The following ITGA10 variants were observed in gnomAD, a reference collection of about 807,000 sequenced individuals.
ITGA10 encodes the protein integrin subunit alpha 10.
A neutral mutation model predicts 145.2 loss-of-function variants in ITGA10; 105 were observed. That is an observed-to-expected ratio of 0.72 (90% CI 0.62 to 0.85). ITGA10 has a LOEUF of 0.85. ITGA10 is among the 40% of genes least tolerant of loss of function. The pLI, the probability that ITGA10 is intolerant of heterozygous loss-of-function variation, is 0.00. For missense variants in ITGA10, 1,317 were observed against 1,444.5 expected (o/e 0.91, Z 1.43); for synonymous variants, 506 against 557.8 (o/e 0.91, Z 1.31).
chr1:145,893,135 A>T, intron 29 of ITGA10, 26 bp downstream of exon 29: 1 of 1,514,422 alleles, frequency 6.6e-7, no homozygotes, highest in Non-Finnish European at 9.2e-7. Context: ...ATCATGCTCC[A>T]CACTCCCCAC....
chr1:145,899,903 G>C (rs1559199494), intron 15 of ITGA10, among the ~76,000 whole-genome samples, 154 bp downstream of exon 15: 1 of 152,206 alleles, frequency 6.6e-6, no homozygotes. Context: ...AAACCTATAA[G>C]GTAGGTACTA....
At position 145,896,795 on chromosome 1, in the gene ITGA10, T is replaced by G. The variant is rs782328684; in HGVS notation, c.2808A>C (p.Gln936His). 27 of 1,613,926 alleles carry G rather than the reference T, an allele frequency of 1.7e-5. No homozygotes were observed. The highest frequency in any genetic ancestry group is 2.3e-5 in the Non-Finnish European group (27 of 1,179,910). The change falls in exon 23 of 30, where the codon CAA becomes CAC. Residue 936 changes from glutamine (Q) to histidine (H), a missense_variant. Transcript: ENST00000369304. The part of the protein sequence containing the change: ...DNTAQTSAYI[Q>H]YEPHLLFSSE... Reference sequence around the variant, plus strand: ...TAGAGAACAGGAGGTGGGGCTCATATTGGATGTAGGCTGAGGTCTGGGCTG... The same window carrying G: ...TAGAGAACAGGAGGTGGGGCTCATAGTGGATGTAGGCTGAGGTCTGGGCTG...
In ITGA10 at chr1:145,892,079, G is replaced by C. The variant is rs1490791675; in HGVS notation, c.*719C>G. ...TGGCTTTGCTCCCAGAAAAGGCTTG[G>C]AATCAGGAAGCCTATGCCCAGCGAG... On this transcript the variant is annotated 3_prime_UTR_variant, in exon 30 of 30. Coordinates refer to ENST00000369304, the MANE Select transcript of ITGA10 (RefSeq NM_003637.5). The C allele has an allele frequency of 1.3e-5, 2 of 152,674 alleles. No homozygotes were observed. Among genetic ancestry groups the C allele is most frequent in the Non-Finnish European group, 2.9e-5 (2 of 68,086 alleles). The allele number at this position is 152,674 out of a possible 1,614,324, so 9.5% of individuals were successfully genotyped here.
intron 5 of ITGA10, 96 bp downstream of exon 5, chr1:145,906,298 C>G (rs1212349850): frequency 4.6e-6 from 4 of 873,782 alleles, no homozygotes; most frequent in African/African-American, 1.6e-5. Flanking sequence ...GATAGCCATG[C>G]AGGCCCTTTG....
chr1:145,897,458 ATCT>A, intron 20 of ITGA10, 51 bp downstream of exon 20: 2 of 1,606,872 alleles, frequency 1.2e-6, no homozygotes, highest in Non-Finnish European at 1.7e-6. Flanking sequence ...CAATACCCCA[ATCT>A]TCTTCCTCCT....
Position 145,902,902 on chromosome 1 carries a change from A to G in ITGA10, c.818T>C (p.Val273Ala). 1.2e-6 allele frequency: 2 copies of G among 1,613,890 alleles called. No homozygotes were observed. The highest frequency in any genetic ancestry group is 1.1e-5 in the South Asian group (1 of 91,066). The change falls in exon 8 of 30, where the codon GTT (valine) becomes GCT (alanine). Residue 273 changes from valine (V) to alanine (A), a missense_variant. Transcript: ENST00000369304. ...ATCATGGGACTCTCCATCAGTGACA[A>G]CCACCAGTAGCCTGGCAGCCTCGGG... The part of the protein sequence containing the change: ...GRPEAARLLV[V>A]VTDGESHDGE...
Position 145,901,762 on chromosome 1 carries a change from A to C in ITGA10, c.1295-98T>G. ...ATAGCAGGAGGTCCCAAGGGAAGTA[A>C]CCAGAGGTCAGTGAGAAACCGCATG... On this transcript the variant is annotated intron_variant, in intron 11 of 29. Transcript: ENST00000369304. This position sits in a 1 kb window ranked among gnomAD's most constrained non-coding sequence, Gnocchi z 4.3. 6.5e-7 allele frequency: 1 copy of C among 1,546,742 alleles called. No individual in the cohort carries two copies. The highest frequency in any genetic ancestry group is 1.2e-5 in the South Asian group (1 of 81,132).
chr1:145,907,865 G>A (rs1657378900), intron 1 of ITGA10, among the ~76,000 whole-genome samples: 1 of 147,196 alleles, frequency 6.8e-6, no homozygotes, highest in Non-Finnish European at 1.5e-5. Flanking sequence ...CGCCCCCCTG[G>A]GTTCACGCCA....
In ITGA10 at chr1:145,904,147, A is replaced by G; in HGVS notation, c.663T>C (p.Asp221=). Reference sequence around the variant, plus strand: ...TCACCACTTCTTCCTTCGTTCGGAAATCTCCCAGGGACCACTCATGTACAG... The same window carrying G: ...TCACCACTTCTTCCTTCGTTCGGAAGTCTCCCAGGGACCACTCATGTACAG... ...ESPVHEWSLG[D]FRTKEEVVRA... The change falls in exon 7 of 30, where the codon GAT becomes GAC. Residue 221 remains aspartate, a synonymous_variant. Transcript: ENST00000369304. 6.2e-7 allele frequency: 1 copy of G among 1,614,120 alleles called. No homozygotes were observed.
intron 17 of ITGA10, 25 bp from the exon 18 acceptor site, chr1:145,898,248 T>G (rs781947384): frequency 2.1e-6 from 3 of 1,437,288 alleles, no homozygotes; most frequent in Non-Finnish European, 2.9e-6. Flanking sequence ...AGTCACAGAG[T>G]CACAGAGTCA....
chr1:145,904,586 G>A (rs1318716347), intron 6 of ITGA10, 98 bp downstream of exon 6: 1 of 1,299,532 alleles, frequency 7.7e-7, no homozygotes, highest in Non-Finnish European at 1.1e-6. Flanking sequence ...TATTGCCCAG[G>A]CTAGTCTTGA....
intron 7 of ITGA10, 65 bp from the exon 8 acceptor site, chr1:145,903,026 C>CACACACACACACACACACACAT (rs1656597668): frequency 1.2e-5 from 1 of 85,442 alleles, no homozygotes; most frequent in South Asian, 1.9e-4. Context: ...CACACACATA[C>CACACACACACACACACACACAT]ACACACACAC....
intron 27 of ITGA10, among the ~76,000 whole-genome samples, chr1:145,894,242 G>A (rs1553744145): frequency 6.6e-6 from 1 of 151,108 alleles, no homozygotes; most frequent in East Asian, 1.9e-4. Flanking sequence ...CTCCCAAGTA[G>A]CTGGGACTAT....
At chr1:145,903,059 AC>A in intron 7 of ITGA10, 98 bp from the exon 8 acceptor site, 1 of 1,008,432 alleles carries the variant, frequency 9.9e-7, no homozygotes, top group Non-Finnish European at 1.4e-6. Flanking sequence ...ACACACACAC[AC>A]ACACACAGGA....
intron 7 of ITGA10, 63 bp downstream of exon 7, chr1:145,903,989 C>T (rs1394575880): frequency 2.4e-5 from 38 of 1,589,450 alleles, no homozygotes; most frequent in Non-Finnish European, 3.0e-5. Context: ...TGCCTGGCCC[C>T]GCCCTAACTC....
Position 145,892,820 on chromosome 1 carries a change from C to T in ITGA10, c.3482G>A (p.Arg1161Lys), listed in dbSNP as rs587692045. ...AHKKIPEEEKREEKLEQ is the reference protein window; with the variant it reads ...AHKKIPEEEKKEEKLEQ Reference sequence around the variant, plus strand: ...CATTCATTGCTCCAACTTCTCTTCTCTTTTTTCTTCCTCAGGGATTTTCTT... The same window carrying T: ...CATTCATTGCTCCAACTTCTCTTCTTTTTTTTCTTCCTCAGGGATTTTCTT... Residue 1161 changes from arginine to lysine, a missense_variant, in exon 30 of 30, where the codon AGA becomes AAA. Physicochemically the swap from Arg to Lys is conservative, Grantham distance 26 (BLOSUM62 2). Coordinates refer to ENST00000369304, the MANE Select transcript of ITGA10 (RefSeq NM_003637.5). 1 of 1,613,766 alleles carries T rather than the reference C, an allele frequency of 6.2e-7. No homozygotes were observed. Among genetic ancestry groups the T allele is most frequent in the African/African-American group, 1.3e-5 (1 of 75,032 alleles).
At chr1:145,907,580 A>G (rs1332318344) in intron 1 of ITGA10, 115 bp from the exon 2 acceptor site, 1 of 1,514,374 alleles carries the variant, frequency 6.6e-7, no homozygotes. Flanking sequence ...TTTTTCACTC[A>G]TAAGCTTTTC....
Position 145,899,571 on chromosome 1 carries a change from C to T in ITGA10, c.1923-230G>A, listed in dbSNP as rs587693206. ...TGGCCCACGCTGGAGTGCAGTGGGG[C>T]GATCTCAGCTCACTGCAACCTCTGC... On this transcript the variant is annotated intron_variant, in intron 15 of 29. Coordinates refer to ENST00000369304, the MANE Select transcript of ITGA10 (RefSeq NM_003637.5). 1.4e-3 allele frequency among the ~76,000 whole-genome samples: 218 copies of T among 151,180 alleles called. 1 individual carries two copies. Among genetic ancestry groups the T allele is most frequent in the African/African-American group, 5.0e-3 (207 of 41,088 alleles).
At position 145,900,173 on chromosome 1, in the gene ITGA10, G is replaced by A; in HGVS notation, c.1806C>T (p.Ala602=). The A allele has an allele frequency of 6.2e-7, 1 of 1,613,188 alleles. No individual in the cohort carries two copies. The highest frequency in any genetic ancestry group is 8.5e-7 in the Non-Finnish European group (1 of 1,179,510). The change falls in exon 15 of 30, where the codon GCC becomes GCT. Residue 602 remains alanine, a synonymous_variant. Coordinates refer to ENST00000369304, the MANE Select transcript of ITGA10 (RefSeq NM_003637.5). ...AGTAGCTGAGGGCATGTGGCATGGAGGCAGCAGCAATCCTCTGAGAGGAAG... is the reference window on the plus strand; with the variant it reads ...AGTAGCTGAGGGCATGTGGCATGGAAGCAGCAGCAATCCTCTGAGAGGAAG... ...RPHPAQRIAA[A]SMPHALSYFG... is the part of the protein sequence containing the mutation.
Sources: allele counts gnomAD v4.1 joint callset (sites outside exome capture counted in the v4.1 genomes callset), GRCh38; gene constraint gnomAD v4.1.1; non-coding constraint Gnocchi (gnomAD v3.1); transcripts MANE v1.5; gene names NCBI Gene and HGNC (gene_info 2026-07-23, HGNC 2026-07-21).